Variants in TRPM8 observed in about 807,000 individuals in gnomAD.
TRPM8 encodes transient receptor potential cation channel subfamily M member 8, also known as TRPM8 cationic channel.
TRPM8 carries 110 observed loss-of-function variants against 133.7 expected under a neutral mutation model. The ratio of observed to expected loss-of-function variants is 0.82; its 90% CI spans 0.70 to 0.96. The LOEUF is 0.96. TRPM8 is among the 40% of genes least tolerant of loss of function. The pLI is 0.00. For synonymous variants in TRPM8, 535 were observed against 532.3 expected (o/e 1.01, Z -0.07); for missense variants, 1,291 against 1,379.5 (o/e 0.94, Z 1.02).
In TRPM8 at chr2:233,957,894, C is replaced by A. The variant is rs149275964; in HGVS notation, c.1362+2644C>A. ...TGTTTACCGTTACCCAACTGATCAT[C>A]CGAAAATGGAGATGACGATAATAGC... is the stretch of plus-strand genomic sequence containing the variant. On this transcript the variant is annotated intron_variant, in intron 11 of 25. Transcript: ENST00000324695. 2.6e-5 allele frequency among the ~76,000 whole-genome samples: 4 copies of A among 152,298 alleles called. No individual in the cohort carries two copies. The East Asian group carries it at 7.7e-4, about 29-fold the overall frequency.
chr2:233,993,541 A>G (rs902067104), intron 21 of TRPM8, among the ~76,000 whole-genome samples: 18 of 152,198 alleles, frequency 1.2e-4, no homozygotes, highest in African/African-American at 4.3e-4. Flanking sequence ...GCTTTGTAAA[A>G]GCCATTCTTA....
At chr2:233,969,649 A>G in intron 15 of TRPM8, 46 bp from the exon 16 acceptor site, 10 of 1,191,880 alleles carry the variant, frequency 8.4e-6, no homozygotes, top group Non-Finnish European at 1.3e-5. Context: ...TCCTGCATAC[A>G]ATTGTGTTAA....
At chr2:233,929,324 A>G (rs1439009768) in intron 2 of TRPM8, among the ~76,000 whole-genome samples, 1 of 152,210 alleles carries the variant, frequency 6.6e-6, no homozygotes, top group Non-Finnish European at 1.5e-5. Context: ...GATTGGGAAG[A>G]TAAGGCACGT....
chr2:233,979,267 G>A (rs894672844), intron 17 of TRPM8, among the ~76,000 whole-genome samples: 3 of 152,104 alleles, frequency 2.0e-5, no homozygotes, highest in Admixed American at 1.3e-4. Context: ...TCCTCATACC[G>A]ATCTTCGTGT....
At chr2:234,012,534 TTA>T (rs1179292344) in intron 24 of TRPM8, among the ~76,000 whole-genome samples, 1 of 152,006 alleles carries the variant, frequency 6.6e-6, no homozygotes, top group East Asian at 1.9e-4. Flanking sequence ...TCATATAAGA[TTA>T]TGTTATATGC....
chr2:233,960,926 G>A lies in TRPM8; in HGVS notation c.1513G>A (p.Val505Met). The A allele has an allele frequency of 6.2e-7, 1 of 1,614,194 alleles. No individual in the cohort carries two copies. The highest frequency in any genetic ancestry group is 2.2e-5 in the East Asian group (1 of 44,876). Reference sequence around the variant, plus strand: ...CTTCTCCAACCACTTCAGCACGCTTGTGTACCGGAATCTGCAGATCGCCAA... The same window carrying A: ...CTTCTCCAACCACTTCAGCACGCTTATGTACCGGAATCTGCAGATCGCCAA... ...ELFSNHFSTL[V>M]YRNLQIAKNS... is the part of the protein sequence containing the mutation. The change falls in exon 12 of 26, where the codon GTG becomes ATG. Residue 505 changes from valine to methionine, a missense_variant. Coordinates refer to ENST00000324695, the MANE Select transcript of TRPM8 (RefSeq NM_024080.5).
Position 233,939,178 on chromosome 2 carries a change from G to A in TRPM8, c.526+3G>A, listed in dbSNP as rs1318937437. The stretch of plus-strand genomic sequence containing the variant: ...CATCTACATCGCGCAGTCCAAAGGT[G>A]AGGGTGGGAGCAGCGACCGCGGGTT... On this transcript the variant is annotated splice_donor_region_variant and intron_variant, in intron 5 of 25. Coordinates refer to ENST00000324695, the MANE Select transcript of TRPM8 (RefSeq NM_024080.5). 1.9e-6 allele frequency: 3 copies of A among 1,613,260 alleles called. No homozygotes were observed. The highest frequency in any genetic ancestry group is 2.2e-5 in the South Asian group (2 of 91,036).
intron 17 of TRPM8, among the ~76,000 whole-genome samples, chr2:233,978,215 G>GTGTGTGTC (rs1259827425): frequency 1.3e-5 from 2 of 151,550 alleles, no homozygotes; most frequent in East Asian, 3.9e-4. Context: ...GTGTGTGTGT[G>GTGTGTGTC]TGTGTGTGTG....
At chr2:233,920,076 G>T (rs956985704) in intron 1 of TRPM8, among the ~76,000 whole-genome samples, 7 of 152,180 alleles carry the variant, frequency 4.6e-5, no homozygotes, top group Non-Finnish European at 1.0e-4. Context: ...GCTCACTGCA[G>T]ATGTCTCATG....
intron 23 of TRPM8, among the ~76,000 whole-genome samples, 165 bp downstream of exon 23, chr2:234,007,117 T>C (rs1692714212): frequency 1.3e-5 from 2 of 152,172 alleles, no homozygotes; most frequent in African/African-American, 2.4e-5. Context: ...AACGCGTAAG[T>C]GTGTGCCAGC....
intron 21 of TRPM8, among the ~76,000 whole-genome samples, chr2:233,990,125 C>T (rs910958737): frequency 1.1e-4 from 17 of 152,102 alleles, no homozygotes; most frequent in Non-Finnish European, 1.6e-4. Flanking sequence ...GAAAGAAGAG[C>T]GCAGATAATT....
chr2:233,974,584 G>T (rs1415375772), intron 17 of TRPM8, among the ~76,000 whole-genome samples: 2 of 152,142 alleles, frequency 1.3e-5, no homozygotes, highest in East Asian at 3.9e-4. Flanking sequence ...AGGGCAGCCC[G>T]CTGGTTCCTG....
intron 18 of TRPM8, among the ~76,000 whole-genome samples, chr2:233,981,027 T>C (rs2125279480): frequency 6.6e-6 from 1 of 152,272 alleles, no homozygotes; most frequent in South Asian, 2.1e-4. Flanking sequence ...CTGAGCAACA[T>C]AGTGAGACCC....
At chr2:233,996,583 T>C in intron 22 of TRPM8, 67 bp downstream of exon 22, 1 of 1,389,966 alleles carries the variant, frequency 7.2e-7, no homozygotes, top group South Asian at 1.2e-5. Flanking sequence ...GGATGCCTGG[T>C]GTGTATCTCA....
chr2:233,964,024 TGTGAACA>T lies in TRPM8; in HGVS notation c.1750-603_1750-597del, dbSNP rs1451140501. Among the ~76,000 whole-genome samples the T allele has an allele frequency of 1.2e-4, 19 of 152,326 alleles. No homozygotes were observed. The East Asian group carries it at 2.7e-3, about 22-fold the overall frequency. The stretch of plus-strand genomic sequence containing the variant: ...TATATGGTAATTCTATGTTCAAGAC[TGTGAACA>T]TATTCAGGTTCCAAGTTATTTTGTG... On this transcript the variant is annotated intron_variant, in intron 13 of 25. Transcript: ENST00000324695.
At chr2:233,963,219 G>A in intron 12 of TRPM8, 63 bp from the exon 13 acceptor site, 1 of 1,136,382 alleles carries the variant, frequency 8.8e-7, no homozygotes. Context: ...TACTCTCCTA[G>A]GGCTTCCTGA....
At chr2:233,990,451 G>A (rs945706471) in intron 21 of TRPM8, among the ~76,000 whole-genome samples, 1 of 152,212 alleles carries the variant, frequency 6.6e-6, no homozygotes, top group African/African-American at 2.4e-5. Context: ...TATTCATGAA[G>A]GGGTGGTAAG....
chr2:233,938,954 G>C (rs1157300320), intron 4 of TRPM8, 44 bp from the exon 5 acceptor site: 1 of 1,596,020 alleles, frequency 6.3e-7, no homozygotes, highest in Admixed American at 1.7e-5. Context: ...CCGACCTCAG[G>C]AGAACACAGG....
chr2:233,944,221 A>G (rs1252180393), intron 6 of TRPM8, among the ~76,000 whole-genome samples: 1 of 152,216 alleles, frequency 6.6e-6, no homozygotes, highest in African/African-American at 2.4e-5. Context: ...AAATGATTTC[A>G]CATCAAATGC....
Sources: allele counts gnomAD v4.1 joint callset (sites outside exome capture counted in the v4.1 genomes callset), GRCh38; gene constraint gnomAD v4.1.1; transcripts MANE v1.5; gene names NCBI Gene and HGNC (gene_info 2026-07-23, HGNC 2026-07-21).